Variants in SULT1E1 observed in about 807,000 individuals in gnomAD.
SULT1E1 encodes the protein sulfotransferase 1E1.
Under a neutral mutation model 33.6 loss-of-function variants are expected in SULT1E1, and 36 were observed. The observed-to-expected ratio is 1.07, with a 90% CI of 0.82 to 1.41. The LOEUF is 1.41. Among genes scored for constraint, SULT1E1 ranks in the 40% most tolerant of loss-of-function variants. The probability of loss-of-function intolerance (pLI) is 0.00; values close to 1 mark genes in which losing one functional copy is unlikely to be tolerated. For missense variants in SULT1E1, 371 were observed against 345.7 expected (o/e 1.07, Z -0.58); for synonymous variants, 121 against 111.7 (o/e 1.08, Z -0.53).
In SULT1E1 at chr4:69,854,243, C is replaced by T. The variant is rs1422748137; in HGVS notation, c.343G>A (p.Ala115Thr). 1.2e-6 allele frequency: 2 copies of T among 1,611,884 alleles called. No homozygotes were observed. The highest frequency in any genetic ancestry group is 1.7e-6 in the Non-Finnish European group (2 of 1,178,614). Residue 115 changes from alanine to threonine, a missense_variant, in exon 4 of 8, where the codon GCC becomes ACC. Transcript: ENST00000226444. ...TTACAATCCTTTTCCCAAAATGAGG[C>T]AGGAAGAAGTTCAGGTGGCAAATGA... ...KTHLPPELLP[A>T]SFWEKDCKII... is the part of the protein sequence containing the mutation.
At chr4:69,835,448 A>C in the SULT1E1 span, among the ~76,000 whole-genome samples, 1 of 152,252 alleles carries the variant, frequency 6.6e-6, no homozygotes, top group Non-Finnish European at 1.5e-5. Flanking sequence ...CAAAAGTGTT[A>C]GAAACAGAGA....
In SULT1E1 at chr4:69,854,219, T is replaced by G; in HGVS notation, c.367A>C (p.Lys123Gln). The G allele has an allele frequency of 6.2e-7, 1 of 1,610,582 alleles. No individual in the cohort carries two copies. Among genetic ancestry groups the G allele is most frequent in the Non-Finnish European group, 8.5e-7 (1 of 1,177,694 alleles). Reference protein sequence around the residue: ...LPASFWEKDCKIIYLCRNAKD... With the variant: ...LPASFWEKDCQIIYLCRNAKD... Reference sequence around the variant, plus strand: ...TGAGAACACTTGACTCTGGTTACCTTACAATCCTTTTCCCAAAATGAGGCA... The same window carrying G: ...TGAGAACACTTGACTCTGGTTACCTGACAATCCTTTTCCCAAAATGAGGCA... The change falls in exon 4 of 8, where the codon AAG becomes CAG. Residue 123 changes from lysine to glutamine, a missense_variant and splice_region_variant. Transcript: ENST00000226444.
chr4:69,821,879 T>C, the SULT1E1 span, among the ~76,000 whole-genome samples: 1 of 152,216 alleles, frequency 6.6e-6, no homozygotes, highest in Non-Finnish European at 1.5e-5. Flanking sequence ...TATTAAAAGC[T>C]CATAACCATT....
Position 69,854,331 on chromosome 4 carries a change from T to C in SULT1E1, c.272-17A>G. On this transcript the variant is annotated splice_polypyrimidine_tract_variant and intron_variant, in intron 3 of 7. Transcript: ENST00000226444. ...GTTTTACTCCTGATTTTTAAAAAAG[T>C]AAAGGTTAAGCAACTTCAAAAATTG... The C allele has an allele frequency of 1.3e-6, 2 of 1,574,934 alleles. No homozygotes were observed. The highest frequency in any genetic ancestry group is 1.7e-6 in the Non-Finnish European group (2 of 1,150,808).
At chr4:69,833,166 T>C in the SULT1E1 span, among the ~76,000 whole-genome samples, 1 of 152,186 alleles carries the variant, frequency 6.6e-6, no homozygotes, top group Non-Finnish European at 1.5e-5. Flanking sequence ...GGCATGATAC[T>C]TGGTTTCCTC....
Position 69,844,170 on chromosome 4 carries a change from T to C in SULT1E1, c.763A>G (p.Met255Val), listed in dbSNP as rs1271614778. 1 of 1,613,850 alleles carries C rather than the reference T, an allele frequency of 6.2e-7. No individual in the cohort carries two copies. Among genetic ancestry groups the C allele is most frequent in the East Asian group, 2.2e-5 (1 of 44,856 alleles). Residue 255 changes from methionine to valine, a missense_variant, in exon 7 of 8, where the codon ATG (methionine) becomes GTG (valine). Transcript: ENST00000226444. Reference protein sequence around the residue: ...EIMNQKLSPFMRKGITGDWKN... With the variant: ...EIMNQKLSPFVRKGITGDWKN... ...ACCACATTTTTCTCACCCTTTCTCA[T>C]GAAGGGCGACAATTTCTGGTTCATA...
chr4:69,829,994 C>T, the SULT1E1 span, among the ~76,000 whole-genome samples: 13 of 152,174 alleles, frequency 8.5e-5, no homozygotes, highest in African/African-American at 3.1e-4. Context: ...GGTGTGGTAT[C>T]CCCCTGCTGG....
chr4:69,821,539 T>C, the SULT1E1 span, among the ~76,000 whole-genome samples: 1 of 152,210 alleles, frequency 6.6e-6, no homozygotes, highest in Non-Finnish European at 1.5e-5. Flanking sequence ...TTTTCTTCAC[T>C]TTTCTCCTGT....
intron 7 of SULT1E1, among the ~76,000 whole-genome samples, chr4:69,842,776 T>A (rs1425269523): frequency 6.6e-6 from 1 of 152,134 alleles, no homozygotes; most frequent in Non-Finnish European, 1.5e-5. Flanking sequence ...AGCAGGCTTT[T>A]CCTGTTTTGC....
intron 4 of SULT1E1, among the ~76,000 whole-genome samples, chr4:69,852,427 C>T (rs1320618032): frequency 6.6e-6 from 1 of 152,158 alleles, no homozygotes; most frequent in African/African-American, 2.4e-5. Flanking sequence ...ATAAAGGTTT[C>T]ACTTTTGAAG....
In SULT1E1 at chr4:69,844,269, T is replaced by A; in HGVS notation, c.664A>T (p.Ile222Phe). The A allele has an allele frequency of 6.2e-7, 1 of 1,613,922 alleles. No individual in the cohort carries two copies. Among genetic ancestry groups the A allele is most frequent in the Non-Finnish European group, 8.5e-7 (1 of 1,179,862 alleles). ...TCTTGGAACGAAGTATGATGTATAA[T>A]CCTGTCCACAAGCTCCTCTGATGGC... ...RKPSEELVDR[I>F]IHHTSFQEMK... Residue 222 changes from isoleucine to phenylalanine, a missense_variant, in exon 7 of 8, where the codon ATT (isoleucine) becomes TTT (phenylalanine). Transcript: ENST00000226444.
chr4:69,842,189 C>T, intron 7 of SULT1E1, 83 bp from the exon 8 acceptor site: 2 of 735,546 alleles, frequency 2.7e-6, no homozygotes, highest in East Asian at 2.7e-5. Flanking sequence ...CTTTCATTAA[C>T]ACCTAATCAA....
rs1721011443 is a variant in SULT1E1, at chr4:69,847,812, C to T, written c.497-20G>A. ...AAGGAACTAAAATTAGAGAGAAAAA[C>T]AGTGTAAAAGTGGTATCATCTCTAA... On this transcript the variant is annotated intron_variant, in intron 5 of 7. Coordinates refer to ENST00000226444, the MANE Select transcript of SULT1E1 (RefSeq NM_005420.3). The T allele has an allele frequency of 6.5e-7, 1 of 1,547,796 alleles. No individual in the cohort carries two copies. Among genetic ancestry groups the T allele is most frequent in the East Asian group, 2.3e-5 (1 of 44,016 alleles).
At chr4:69,830,939 A>G in the SULT1E1 span, among the ~76,000 whole-genome samples, 4 of 152,184 alleles carry the variant, frequency 2.6e-5, no homozygotes, top group African/African-American at 9.7e-5. Context: ...CATGCTCTTG[A>G]TAATAGACAG....
the SULT1E1 span, among the ~76,000 whole-genome samples, chr4:69,833,194 A>G: frequency 2.6e-5 from 4 of 152,098 alleles, no homozygotes; most frequent in Non-Finnish European, 5.9e-5. Flanking sequence ...ACATATTATG[A>G]TGTTTTAGAT....
chr4:69,828,961 G>A, the SULT1E1 span, among the ~76,000 whole-genome samples: 3 of 152,198 alleles, frequency 2.0e-5, no homozygotes, highest in African/African-American at 7.2e-5. Context: ...TGAGGCCAGT[G>A]TCTCTGCAAA....
intron 5 of SULT1E1, among the ~76,000 whole-genome samples, chr4:69,848,258 T>C (rs1452518105): frequency 6.6e-6 from 1 of 151,798 alleles, no homozygotes; most frequent in Admixed American, 6.6e-5. Flanking sequence ...TGAGTATTTA[T>C]TACACTATTA....
At chr4:69,839,255 T>A (rs1720840996), downstream of SULT1E1, among the ~76,000 whole-genome samples, 1 of 152,192 alleles carries the variant, frequency 6.6e-6, no homozygotes, top group Non-Finnish European at 1.5e-5. Context: ...AACTGAAAAG[T>A]CCAAGAGCAT....
chr4:69,844,115 A>C (rs753755800), intron 7 of SULT1E1, 46 bp downstream of exon 7: 1 of 1,592,110 alleles, frequency 6.3e-7, no homozygotes, highest in South Asian at 1.1e-5. Context: ...TAACCATGTC[A>C]CCTTGTGACT....
Sources: allele counts gnomAD v4.1 joint callset (sites outside exome capture counted in the v4.1 genomes callset), GRCh38; gene constraint gnomAD v4.1.1; transcripts MANE v1.5; gene names NCBI Gene and HGNC (gene_info 2026-07-23, HGNC 2026-07-21).